The following SEMA4A variants were observed in gnomAD, a reference collection of about 807,000 sequenced individuals.
The protein encoded by SEMA4A is semaphorin-4A.
Under a neutral mutation model 72.5 loss-of-function variants are expected in SEMA4A, and 52 were observed. That is an observed-to-expected ratio of 0.72 (90% CI 0.57 to 0.90). The LOEUF is 0.90. SEMA4A is among the 40% of genes least tolerant of loss of function. The pLI is 0.00. For missense variants in SEMA4A, 926 were observed against 959.7 expected (o/e 0.96, Z 0.46); for synonymous variants, 369 against 393.1 (o/e 0.94, Z 0.73).
At chr1:156,156,695 TTTATA>T in intron 3 of SEMA4A, 121 bp downstream of exon 3, 1 of 931,160 alleles carries the variant, frequency 1.1e-6, no homozygotes, top group Non-Finnish European at 1.7e-6. Context: ...AGCAGTTCTC[TTTATA>T]TGTATATCGT....
At chr1:156,171,914 G>C (rs1199607965) in intron 10 of SEMA4A, among the ~76,000 whole-genome samples, 1 of 151,010 alleles carries the variant, frequency 6.6e-6, no homozygotes, top group Admixed American at 6.6e-5. Flanking sequence ...TTCCCGAGTA[G>C]CTGGGACTAC....
upstream of SEMA4A, among the ~76,000 whole-genome samples, chr1:156,152,613 A>G (rs1364925822): frequency 6.6e-6 from 1 of 152,154 alleles, no homozygotes; most frequent in African/African-American, 2.4e-5. Flanking sequence ...CAGGCAGGAT[A>G]TGTCTGAGAC....
chr1:156,160,470 A>T lies in SEMA4A; in HGVS notation c.596A>T (p.Asn199Ile). Residue 199 changes from asparagine to isoleucine, a missense_variant, in exon 7 of 15, where the codon AAC (asparagine) becomes ATC (isoleucine). Asn to Ile is a moderately radical substitution (Grantham distance 149, BLOSUM62 -3). Transcript: ENST00000368285. ...VDGMLYSGTM[N>I]NFLGSEPILM... is the part of the protein sequence containing the mutation. ...GGGATGCTCTATTCTGGTACTATGA[A>T]CAACTTCCTGGGCAGTGAGCCCATC... 6.2e-7 allele frequency: 1 copy of T among 1,613,906 alleles called. No individual in the cohort carries two copies. The highest frequency in any genetic ancestry group is 1.3e-5 in the African/African-American group (1 of 74,930).
chr1:156,159,961 A>G (rs936440978), intron 6 of SEMA4A, among the ~76,000 whole-genome samples: 2 of 150,940 alleles, frequency 1.3e-5, no homozygotes, highest in Non-Finnish European at 2.9e-5. Context: ...CCATGTATCA[A>G]TGCACTACTG....
At position 156,172,092 on chromosome 1, in the gene SEMA4A, GTTTGTTTATTTATTTA is replaced by G. The variant is rs1339606293; in HGVS notation, c.1135-730_1135-715del. ...AGCCACTGTGCCCGGCTGTTTGTTT[GTTTGTTTATTTATTTA>G]TTTATTTATTTATTTATTTATTTAT... On this transcript the variant is annotated intron_variant, in intron 10 of 14. Transcript: ENST00000368285. 5.3e-4 allele frequency among the ~76,000 whole-genome samples: 77 copies of G among 143,950 alleles called. 1 individual carries two copies. The highest frequency in any genetic ancestry group is 3.7e-3 in the East Asian group (18 of 4,864). The allele number at this position is 143,950 out of a possible 152,430, so 94.4% of individuals were successfully genotyped here.
intron 10 of SEMA4A, among the ~76,000 whole-genome samples, chr1:156,171,055 A>C (rs1654727377): frequency 6.6e-6 from 1 of 152,206 alleles, no homozygotes; most frequent in African/African-American, 2.4e-5. Flanking sequence ...TCTATTTGTA[A>C]AAATAAAAAA....
At chr1:156,173,948 A>G (rs1655057384) in intron 11 of SEMA4A, among the ~76,000 whole-genome samples, 1 of 152,142 alleles carries the variant, frequency 6.6e-6, no homozygotes, top group Non-Finnish European at 1.5e-5. Context: ...GTTTCTACTA[A>G]AAATACAAAC....
At chr1:156,173,658 G>C (rs1324285074) in intron 11 of SEMA4A, among the ~76,000 whole-genome samples, 1 of 152,144 alleles carries the variant, frequency 6.6e-6, no homozygotes, top group Non-Finnish European at 1.5e-5. Context: ...TAGCAGCGGG[G>C]TGTGACTTGG....
Position 156,161,427 on chromosome 1 carries a change from C to T in SEMA4A, c.892C>T (p.Gln298Ter). 1 of 1,614,008 alleles carries T rather than the reference C, an allele frequency of 6.2e-7. No homozygotes were observed. Among genetic ancestry groups the T allele is most frequent in the Non-Finnish European group, 8.5e-7 (1 of 1,179,970 alleles). ...CCAGCTGCTCTGCACCCAGCCGGGG[C>T]AGCTGCCCTTCAACGTCATCCGCCA... ...KAQLLCTQPG[Q>*]LPFNVIRHAV... Residue 298 changes from glutamine to a stop codon, truncating the protein, a stop_gained, in exon 9 of 15, where the codon CAG (glutamine) becomes TAG (stop). Transcript: ENST00000368285. LOFTEE classifies it high-confidence loss of function.
rs1654937510 is a variant in SEMA4A, at chr1:156,172,900, G to C, written c.1209G>C (p.Val403=). ...KDHFLMDEQV[V]GTPLLVKSGV... ...ATTTCCTGATGGATGAGCAAGTGGT[G>C]GGGACGCCCCTGCTGGTGAAATCTG... Residue 403 remains valine, a synonymous_variant, in exon 11 of 15, where the codon GTG becomes GTC. Transcript: ENST00000368285. 1.9e-6 allele frequency: 3 copies of C among 1,614,166 alleles called. No individual in the cohort carries two copies. Among genetic ancestry groups the C allele is most frequent in the Non-Finnish European group, 2.5e-6 (3 of 1,180,026 alleles).
intron 10 of SEMA4A, among the ~76,000 whole-genome samples, chr1:156,168,378 C>A (rs1222523941): frequency 6.6e-6 from 1 of 151,908 alleles, no homozygotes; most frequent in Non-Finnish European, 1.5e-5. Flanking sequence ...CCCACCACCA[C>A]GCCCAGCTAA....
intron 10 of SEMA4A, among the ~76,000 whole-genome samples, chr1:156,170,788 G>A (rs2102993884): frequency 6.6e-6 from 1 of 151,834 alleles, no homozygotes; most frequent in East Asian, 1.9e-4. Flanking sequence ...AGGCACAGTG[G>A]CACACACCTG....
chr1:156,167,035 G>C (rs187425470), intron 10 of SEMA4A, among the ~76,000 whole-genome samples: 1 of 152,038 alleles, frequency 6.6e-6, no homozygotes, highest in Non-Finnish European at 1.5e-5. Flanking sequence ...TGAGTAACTA[G>C]AACTACAAGC....
chr1:156,175,476 C>T lies in SEMA4A; in HGVS notation c.1593-80C>T, dbSNP rs1655229968. The T allele has an allele frequency of 4.0e-6, 5 of 1,236,382 alleles. No individual in the cohort carries two copies. In the South Asian group the frequency reaches 6.3e-5, roughly 15 times the overall value. The allele number at this position is 1,236,382 out of a possible 1,614,324, so 76.6% of individuals were successfully genotyped here. A position where few individuals can be genotyped will look rare whatever the true frequency, so the allele number is the denominator to read the frequency against. On this transcript the variant is annotated intron_variant, in intron 13 of 14. Transcript: ENST00000368285. The stretch of plus-strand genomic sequence containing the variant: ...CTCCCCTGGCCTACCTTCTTCCCTA[C>T]TGCACTTCCTCCCTTCCTCCTTCCT...
At chr1:156,160,024 G>A (rs1653432580) in intron 6 of SEMA4A, among the ~76,000 whole-genome samples, 1 of 152,024 alleles carries the variant, frequency 6.6e-6, no homozygotes, top group Non-Finnish European at 1.5e-5. Flanking sequence ...GATGGCCTTC[G>A]GCTTTTCAGC....
chr1:156,177,357 C>T lies in SEMA4A; in HGVS notation c.*360C>T, dbSNP rs1425280608. On this transcript the variant is annotated 3_prime_UTR_variant, in exon 15 of 15. Coordinates refer to ENST00000368285, the MANE Select transcript of SEMA4A (RefSeq NM_022367.4). ...CCTAAAAAACCTGCCTGTCCCAGGACCCTATGGTAATGAACACCAAACATC... is the reference window on the plus strand; with the variant it reads ...CCTAAAAAACCTGCCTGTCCCAGGATCCTATGGTAATGAACACCAAACATC... 3 of 379,208 alleles carry T rather than the reference C, an allele frequency of 7.9e-6. No homozygotes were observed. Among genetic ancestry groups the T allele is most frequent in the African/African-American group, 6.2e-5 (3 of 48,334 alleles). The allele number at this position is 379,208 out of a possible 1,614,324, so 23.5% of individuals were successfully genotyped here. A position where few individuals can be genotyped will look rare whatever the true frequency, so the allele number is the denominator to read the frequency against.
At chr1:156,156,210 C>T in intron 2 of SEMA4A, 1 of 614,114 alleles carries the variant, frequency 1.6e-6, no homozygotes, top group Non-Finnish European at 3.0e-6. Flanking sequence ...GGCTGCCTCT[C>T]CTCTCTACTG....
At position 156,154,662 on chromosome 1, in the gene SEMA4A, G is replaced by C; in HGVS notation, c.84G>C (p.Thr28=). Residue 28 remains threonine, a synonymous_variant, in exon 2 of 15, where the codon ACG becomes ACC. Coordinates refer to ENST00000368285, the MANE Select transcript of SEMA4A (RefSeq NM_022367.4). ...LFQLLQLLLP[T]TTAGGGGQGP... is the part of the protein sequence containing the mutation. The stretch of plus-strand genomic sequence containing the variant: ...AACTGCTTCAGCTGCTGCTGCCGAC[G>C]ACGACCGCGGGGGGAGGCGGGCAGG... The C allele has an allele frequency of 6.2e-7, 1 of 1,604,252 alleles. No homozygotes were observed. The highest frequency in any genetic ancestry group is 2.2e-5 in the East Asian group (1 of 44,644).
chr1:156,168,774 G>A (rs1311211143), intron 10 of SEMA4A, among the ~76,000 whole-genome samples: 1 of 152,162 alleles, frequency 6.6e-6, no homozygotes. Context: ...TTCAATGTCA[G>A]TATCTTTACT....
Sources: allele counts gnomAD v4.1 joint callset (sites outside exome capture counted in the v4.1 genomes callset), GRCh38; gene constraint gnomAD v4.1.1; transcripts MANE v1.5; gene names NCBI Gene and HGNC (gene_info 2026-07-23, HGNC 2026-07-21).